The following NLRC4 variants were observed in gnomAD, a reference collection of about 807,000 sequenced individuals.
NLRC4 encodes NLR family CARD domain containing 4, also known as NLR family CARD domain-containing protein 4.
A neutral mutation model predicts 79.9 loss-of-function variants in NLRC4; 63 were observed. The observed-to-expected ratio is 0.79, with a 90% confidence interval of 0.64 to 0.97. NLRC4 has a LOEUF of 0.97. NLRC4 is among the 50% of genes least tolerant of loss of function. NLRC4 has a pLI of 0.00. For missense variants in NLRC4, 1,074 were observed against 1,215.2 expected, an observed-to-expected ratio of 0.88 and a Z score of 1.73; for synonymous variants, 461 against 456.5, an observed-to-expected ratio of 1.01 and a Z score of -0.12.
chr2:32,244,069 G>A (rs1430961173), intron 4 of NLRC4, among the ~76,000 whole-genome samples: 2 of 152,128 alleles, frequency 1.3e-5, no homozygotes, highest in Admixed American at 6.6e-5. Context: ...GGGCAACATA[G>A]CGAGAACTCG....
At chr2:32,235,871 A>G (rs566568374) in intron 7 of NLRC4, among the ~76,000 whole-genome samples, 4 of 152,320 alleles carry the variant, frequency 2.6e-5, no homozygotes, top group African/African-American at 9.6e-5. Context: ...AATCATGGAC[A>G]ATATGAATCA....
At chr2:32,264,391 G>A (rs1325096966) in intron 1 of NLRC4, among the ~76,000 whole-genome samples, 2 of 143,468 alleles carry the variant, frequency 1.4e-5, no homozygotes, top group Admixed American at 7.2e-5. Flanking sequence ...CCGAGATCAC[G>A]CCACTGCAGT....
In NLRC4 at chr2:32,252,685, G is replaced by A. The variant is rs1256125477; in HGVS notation, c.2-6C>T. 2 of 1,609,916 alleles carry A rather than the reference G, an allele frequency of 1.2e-6. No individual in the cohort carries two copies. Among genetic ancestry groups the A allele is most frequent in the Non-Finnish European group, 1.7e-6 (2 of 1,176,486 alleles). ...ATTGTCCTTTATGAAATTCACTGAG[G>A]AGATGGGGAGAAATATACATATTTA... On this transcript the variant is annotated splice_region_variant and splice_polypyrimidine_tract_variant and intron_variant, in intron 2 of 8. Transcript: ENST00000402280.
intron 1 of NLRC4, among the ~76,000 whole-genome samples, chr2:32,259,506 A>G (rs568703084): frequency 1.3e-5 from 2 of 152,004 alleles, no homozygotes; most frequent in African/African-American, 4.8e-5. Flanking sequence ...TGCATATTCA[A>G]TGTAAGTTGC....
chr2:32,242,966 T>C (rs183539886), intron 4 of NLRC4, among the ~76,000 whole-genome samples: 347 of 152,146 alleles, frequency 2.3e-3, no homozygotes, highest in Middle Eastern at 3.4e-3. Flanking sequence ...GAGAATCGCT[T>C]GAGCCCAGGA....
At chr2:32,234,962 T>C (rs1369262507) in intron 8 of NLRC4, among the ~76,000 whole-genome samples, 3 of 152,248 alleles carry the variant, frequency 2.0e-5, no homozygotes. Context: ...TCTTCAGTCA[T>C]TTATATAGAT....
chr2:32,260,384 C>T (rs996469533), intron 1 of NLRC4, among the ~76,000 whole-genome samples: 2 of 152,094 alleles, frequency 1.3e-5, no homozygotes, highest in Non-Finnish European at 2.9e-5. Context: ...GAATAGCTTA[C>T]TTTGACTCTG....
chr2:32,253,564 G>C (rs1358456730), intron 2 of NLRC4, among the ~76,000 whole-genome samples: 1 of 152,222 alleles, frequency 6.6e-6, no homozygotes, highest in Non-Finnish European at 1.5e-5. Context: ...TGAGGTTGTA[G>C]TTGTAAGACC....
intron 1 of NLRC4, among the ~76,000 whole-genome samples, chr2:32,258,310 C>G (rs768344491): frequency 6.6e-6 from 1 of 152,178 alleles, no homozygotes; most frequent in Non-Finnish European, 1.5e-5. Context: ...ATGTGTTCCT[C>G]TCGACGTCCA....
At chr2:32,227,921 CA>C (rs1420764081) in intron 8 of NLRC4, among the ~76,000 whole-genome samples, 1 of 152,140 alleles carries the variant, frequency 6.6e-6, no homozygotes, top group Non-Finnish European at 1.5e-5. Flanking sequence ...GGAAAAATCT[CA>C]GATGCCCTGG....
chr2:32,224,579 A>C lies in NLRC4; in HGVS notation c.2969T>G (p.Val990Gly). The stretch of plus-strand genomic sequence containing the variant: ...TTGCAGAAAAGTTAACTTGGATAAC[A>C]CTTGGCTAAGTTTTCTGACTAATGC... ...DPALVRKLSQVLSKLTFLQEA... is the reference protein window; with the variant it reads ...DPALVRKLSQGLSKLTFLQEA... The change falls in exon 9 of 9, where the codon GTG (valine) becomes GGG (glycine). Residue 990 changes from valine to glycine, a missense_variant. Coordinates refer to ENST00000402280, the MANE Select transcript of NLRC4 (RefSeq NM_001199138.2). 1.9e-6 allele frequency: 3 copies of C among 1,613,820 alleles called. No homozygotes were observed. Among genetic ancestry groups the C allele is most frequent in the Non-Finnish European group, 2.5e-6 (3 of 1,179,728 alleles).
At position 32,241,131 on chromosome 2, in the gene NLRC4, A is replaced by G. The variant is rs775493450; in HGVS notation, c.2258-6T>C. On this transcript the variant is annotated splice_region_variant and splice_polypyrimidine_tract_variant and intron_variant, in intron 4 of 8. Transcript: ENST00000402280. ...CAAGCTGTCAGTCAGACCACCTGTC[A>G]AAAGAAAAAAGATTGGACTCTTTCA... 7.7e-6 allele frequency: 12 copies of G among 1,552,614 alleles called. No individual in the cohort carries two copies. The Admixed American group carries it at 1.9e-4, about 24-fold the overall frequency.
chr2:32,238,275 A>G lies in NLRC4; in HGVS notation c.2378T>C (p.Met793Thr), dbSNP rs1558449800. 1 of 1,611,472 alleles carries G rather than the reference A, an allele frequency of 6.2e-7. No individual in the cohort carries two copies. Among genetic ancestry groups the G allele is most frequent in the Non-Finnish European group, 8.5e-7 (1 of 1,179,284 alleles). Residue 793 changes from methionine to threonine, a missense_variant, in exon 6 of 9, where the codon ATG (methionine) becomes ACG (threonine). Coordinates refer to ENST00000402280, the MANE Select transcript of NLRC4 (RefSeq NM_001199138.2). ...CAAGTGGGTCAAATGAAATAAACAC[A>G]TCTTCTTCAGGTTTTTCAGGCCTTC... Reference protein sequence around the residue: ...LAEGLKNLKKMCLFHLTHLSD... With the variant: ...LAEGLKNLKKTCLFHLTHLSD...
upstream of NLRC4, chr2:32,265,700 T>A (rs757326937): frequency 2.0e-5 from 3 of 152,432 alleles, no homozygotes; most frequent in Non-Finnish European, 2.9e-5. Flanking sequence ...ACTCCACCGA[T>A]GACGCACGGG....
Position 32,251,580 on chromosome 2 carries a change from T to C in NLRC4, c.284A>G (p.Glu95Gly). The C allele has an allele frequency of 6.3e-7, 1 of 1,598,394 alleles. No individual in the cohort carries two copies. Among genetic ancestry groups the C allele is most frequent in the East Asian group, 2.2e-5 (1 of 44,808 alleles). ...NGQSLFHQTS[E>G]GDLDDLAQDL... ...CTGAGCCAAATCGTCCAAGTCTCCT[T>C]CTGATGTCTGATGAAAAAGACCTAT... The change falls in exon 4 of 9, where the codon GAA becomes GGA. Residue 95 changes from glutamate (E) to glycine (G), a missense_variant. Transcript: ENST00000402280.
chr2:32,244,328 C>T (rs1195172215), intron 4 of NLRC4, among the ~76,000 whole-genome samples: 1 of 151,752 alleles, frequency 6.6e-6, no homozygotes. Flanking sequence ...TAAATGGATA[C>T]AGAAAACATC....
At chr2:32,256,441 A>T (rs888038027) in intron 2 of NLRC4, among the ~76,000 whole-genome samples, 2 of 152,144 alleles carry the variant, frequency 1.3e-5, no homozygotes, top group African/African-American at 4.8e-5. Flanking sequence ...GGAAGGAGCT[A>T]CATTTTGGTT....
intron 4 of NLRC4, among the ~76,000 whole-genome samples, chr2:32,248,355 T>C (rs932732896): frequency 6.6e-6 from 1 of 152,112 alleles, no homozygotes; most frequent in African/African-American, 2.4e-5. Context: ...ACACACATCA[T>C]TATACTCCCT....
At chr2:32,226,173 G>A (rs900739151) in intron 8 of NLRC4, among the ~76,000 whole-genome samples, 1 of 152,118 alleles carries the variant, frequency 6.6e-6, no homozygotes, top group Admixed American at 6.6e-5. Context: ...CAGCTTACGT[G>A]GGTGAGGTCA....
Sources: gnomAD v4.1 joint callset for allele counts (sites outside exome capture counted in the v4.1 genomes callset) on GRCh38, gnomAD v4.1.1 for gene constraint, MANE v1.5 for transcripts, NCBI Gene and HGNC (gene_info 2026-07-23, HGNC 2026-07-21) for gene names.